The following TET3 variants were observed in gnomAD, a reference collection of about 807,000 sequenced individuals.
TET3 encodes the protein methylcytosine dioxygenase TET3.
TET3 carries 19 observed loss-of-function variants against 141.4 expected under a neutral mutation model. The observed-to-expected ratio is 0.13, with a 90% CI of 0.09 to 0.20. The LOEUF is 0.20. Ranked by LOEUF, TET3 falls within the 10% of genes least tolerant of loss-of-function variation. TET3 has a pLI of 1.00. For synonymous variants in TET3, 1,043 were observed against 980.9 expected (o/e 1.06, Z -1.18); for missense variants, 1,874 against 2,356.9 (o/e 0.80, Z 4.24).
At chr2:74,066,202 A>AAATAT (rs1315503840) in intron 4 of TET3, among the ~76,000 whole-genome samples, 1 of 152,170 alleles carries the variant, frequency 6.6e-6, no homozygotes, top group Non-Finnish European at 1.5e-5. Context: ...TTCAGACTTA[A>AAATAT]CAGTACAGAG....
At position 74,080,699 on chromosome 2, in the gene TET3, C is replaced by CGGGGG. The variant is rs34695760; in HGVS notation, c.2679+110_2679+114dup. ...CTGCATGTAGCTGAGCAGGCGAGGG[C>CGGGGG]GGGGGGTGGGGCCAGGTGGGTGTGT... On this transcript the variant is annotated intron_variant, in intron 6 of 11. Coordinates refer to ENST00000409262, the MANE Select transcript of TET3 (RefSeq NM_001287491.2). 165 of 405,546 alleles carry CGGGGG rather than the reference C, an allele frequency of 4.1e-4. 2 individuals are homozygous for CGGGGG. In the African/African-American group the frequency reaches 5.9e-3, roughly 14 times the overall value. 25.1% of individuals were successfully genotyped at this position (405,546 alleles called of 1,614,324 possible). A position where few individuals can be genotyped will look rare whatever the true frequency, so the allele number is the denominator to read the frequency against.
intron 3 of TET3, among the ~76,000 whole-genome samples, chr2:74,044,755 C>T (rs929068178): frequency 6.6e-6 from 1 of 152,200 alleles, no homozygotes; most frequent in African/African-American, 2.4e-5. Flanking sequence ...GTGGAACCAT[C>T]GTAAGTTGGG....
At chr2:74,082,161 G>A (rs778287836) in intron 6 of TET3, among the ~76,000 whole-genome samples, 4 of 152,174 alleles carry the variant, frequency 2.6e-5, no homozygotes, top group Non-Finnish European at 4.4e-5. Context: ...AAGACAGTTG[G>A]CCCCTTAAAG....
rs1389665225 is a variant in TET3, at chr2:74,106,182, T to G, written c.*4006T>G. The G allele has an allele frequency of 6.6e-6, 1 of 152,088 alleles. No homozygotes were observed. The highest frequency in any genetic ancestry group is 2.4e-5 in the African/African-American group (1 of 41,398). 9.4% of individuals were successfully genotyped at this position (152,088 alleles called of 1,614,324 possible). A position where few individuals can be genotyped will look rare whatever the true frequency, so the allele number is the denominator to read the frequency against. On this transcript the variant is annotated 3_prime_UTR_variant, in exon 12 of 12. Transcript: ENST00000409262. ...CTGAGCAGTGTTGTGTTGTGTTGTATTGTTCTTCCCTTGGTGGCCAAACAA... is the reference window on the plus strand; with the variant it reads ...CTGAGCAGTGTTGTGTTGTGTTGTAGTGTTCTTCCCTTGGTGGCCAAACAA...
intron 3 of TET3, among the ~76,000 whole-genome samples, chr2:74,032,043 T>C (rs1032131323): frequency 4.3e-4 from 66 of 152,222 alleles, no homozygotes; most frequent in Non-Finnish European, 1.2e-4. Flanking sequence ...GTTGGAAGAA[T>C]AGAAAGGTTA....
intron 2 of TET3, among the ~76,000 whole-genome samples, chr2:73,987,843 T>C (rs1684122066): frequency 6.6e-6 from 1 of 152,224 alleles, no homozygotes; most frequent in South Asian, 2.1e-4. Context: ...GTGGCTGGCG[T>C]TGGGCTGGCA....
rs765158049 is a variant in TET3 at position 74,100,778 on chromosome 2, G to C, written c.3990G>C (p.Pro1330=). 1.9e-6 allele frequency: 3 copies of C among 1,613,034 alleles called. No individual in the cohort carries two copies. The highest frequency in any genetic ancestry group is 1.3e-5 in the African/African-American group (1 of 75,010). Residue 1330 remains proline, a synonymous_variant, in exon 12 of 12, where the codon CCG becomes CCC. Transcript: ENST00000409262. ...ACGCTCTGCACAACAGCCTGAGCCC[G>C]GCCTACGGTGGTGCTGAGTTTGCCG... ...DLHALHNSLS[P]AYGGAEFAEL... is the part of the protein sequence containing the mutation.
chr2:74,133,561 C>T, the TET3 span, among the ~76,000 whole-genome samples: 1 of 152,204 alleles, frequency 6.6e-6, no homozygotes, highest in Non-Finnish European at 1.5e-5. Flanking sequence ...GTCTGTTTGA[C>T]TGGCTGTTGG....
chr2:74,002,757 TA>T, intron 2 of TET3: 1 of 538,294 alleles, frequency 1.9e-6, no homozygotes, highest in South Asian at 2.5e-5. Flanking sequence ...CCGGCGGGGA[TA>T]ATGGGAGGCC....
chr2:74,076,532 A>G (rs1689523719), intron 5 of TET3, among the ~76,000 whole-genome samples: 1 of 139,452 alleles, frequency 7.2e-6, no homozygotes, highest in Non-Finnish European at 1.5e-5. Flanking sequence ...GATTTCTCAT[A>G]TAACAAGATA....
Position 74,101,837 on chromosome 2 carries a change from C to T in TET3, c.5049C>T (p.Arg1683=). 5 of 1,613,086 alleles carry T rather than the reference C, an allele frequency of 3.1e-6. No individual in the cohort carries two copies. The highest frequency in any genetic ancestry group is 4.2e-6 in the Non-Finnish European group (5 of 1,179,806). Residue 1683 remains arginine (R), a synonymous_variant, in exon 12 of 12, where the codon CGC becomes CGT. Coordinates refer to ENST00000409262, the MANE Select transcript of TET3 (RefSeq NM_001287491.2). The surrounding 1 kb of genome is among the most constrained non-coding windows in gnomAD (Gnocchi z 8.5). The stretch of plus-strand genomic sequence containing the variant: ...CCACGCCGCTTAAGAAGCCCAACCG[C>T]TGCCACCCCACCCGCATCTCGCTGG... ...HATTPLKKPN[R]CHPTRISLVF... is the part of the protein sequence containing the mutation.
At chr2:74,124,383 G>A in the TET3 span, among the ~76,000 whole-genome samples, 6 of 151,798 alleles carry the variant, frequency 4.0e-5, no homozygotes, top group Non-Finnish European at 7.4e-5. Flanking sequence ...CCACTGCCCC[G>A]TCTGGGAGGT....
chr2:73,991,727 C>T (rs1174331870), intron 2 of TET3, among the ~76,000 whole-genome samples: 1 of 149,000 alleles, frequency 6.7e-6, no homozygotes. Context: ...ATCCCTTGAA[C>T]CCAGGAGGCA....
intron 2 of TET3, among the ~76,000 whole-genome samples, chr2:73,997,041 C>T (rs1000069249): frequency 6.6e-6 from 1 of 152,186 alleles, no homozygotes; most frequent in Non-Finnish European, 1.5e-5. Flanking sequence ...CCACACCTAA[C>T]GAGGGTGTTA....
chr2:74,098,025 T>G (rs376506546), intron 10 of TET3, among the ~76,000 whole-genome samples: 1 of 152,148 alleles, frequency 6.6e-6, no homozygotes, highest in East Asian at 1.9e-4. Context: ...TTGTGAGAAA[T>G]GTACACCAAC....
the TET3 span, among the ~76,000 whole-genome samples, chr2:74,129,422 C>T: frequency 6.7e-6 from 1 of 149,450 alleles, no homozygotes; most frequent in African/African-American, 2.5e-5. Context: ...CACCTGAGGT[C>T]AGGCGTTTGA....
At chr2:74,092,496 C>T (rs1034997914) in intron 8 of TET3, among the ~76,000 whole-genome samples, 1 of 152,160 alleles carries the variant, frequency 6.6e-6, no homozygotes, top group Non-Finnish European at 1.5e-5. Context: ...CTGCCTTTCT[C>T]TTCCTGTCTG....
At chr2:74,025,223 CA>C (rs1195395463) in intron 3 of TET3, among the ~76,000 whole-genome samples, 1,939 of 64,806 alleles carry the variant, frequency 0.03, 34 homozygotes, top group African/African-American at 0.085. Context: ...GACTCCGCCT[CA>C]AAAAAAAAAA....
intron 4 of TET3, among the ~76,000 whole-genome samples, chr2:74,058,108 A>G (rs1184634218): frequency 6.6e-6 from 1 of 152,246 alleles, no homozygotes; most frequent in East Asian, 1.9e-4. Flanking sequence ...CAGAAGAAGC[A>G]TGCCATTACA....
Sources: allele counts gnomAD v4.1 joint callset (sites outside exome capture counted in the v4.1 genomes callset), GRCh38; gene constraint gnomAD v4.1.1; non-coding constraint Gnocchi (gnomAD v3.1); transcripts MANE v1.5; gene names NCBI Gene and HGNC (gene_info 2026-07-23, HGNC 2026-07-21).